The following REV1 variants were observed in gnomAD, a reference collection of about 807,000 sequenced individuals.
REV1 encodes the protein translesion synthesis protein REV1.
REV1 carries 42 observed loss-of-function variants against 137.4 expected under a neutral mutation model. That is an observed-to-expected ratio of 0.31 (90% confidence interval 0.24 to 0.40). The LOEUF is 0.40. REV1 is among the 10% of genes least tolerant of loss of function. REV1 has a pLI of 1.00. For missense variants in REV1, 1,282 were observed against 1,490.1 expected, an observed-to-expected ratio of 0.86 and a Z score of 2.30; for synonymous variants, 524 against 519.2, an observed-to-expected ratio of 1.01 and a Z score of -0.12.
rs1675856311 is a variant in REV1, at chr2:99,403,729, C to T, written c.3132G>A (p.Glu1044=). The T allele has an allele frequency of 6.2e-7, 1 of 1,614,070 alleles. No homozygotes were observed. The highest frequency in any genetic ancestry group is 8.5e-7 in the Non-Finnish European group (1 of 1,180,036). The change falls in exon 19 of 23, where the codon GAG becomes GAA. Residue 1044 remains glutamate (E), a synonymous_variant. Coordinates refer to ENST00000258428, the MANE Select transcript of REV1 (RefSeq NM_016316.4). The part of the protein sequence containing the change: ...AAYDQRQRQG[E]NSTHQQSASA... ...TGGCTGACTGCTGGTGAGTGCTGTT[C>T]TCGCCCTGCCTTTGTCTTTGATCAT...
At chr2:99,432,034 T>C (rs1680189399) in intron 8 of REV1, 1 of 424,656 alleles carries the variant, frequency 2.4e-6, no homozygotes, top group Non-Finnish European at 3.1e-6. Flanking sequence ...GTCGATGGGA[T>C]AGAAAACATC....
chr2:99,465,237 T>C (rs1684665924), intron 1 of REV1, among the ~76,000 whole-genome samples: 1 of 152,222 alleles, frequency 6.6e-6, no homozygotes, highest in Non-Finnish European at 1.5e-5. Flanking sequence ...AAAATATCTT[T>C]ATGCATTCCT....
At chr2:99,487,578 G>A (rs1351193234) in intron 1 of REV1, among the ~76,000 whole-genome samples, 2 of 117,964 alleles carry the variant, frequency 1.7e-5, no homozygotes, top group Non-Finnish European at 3.7e-5. Context: ...ACTTGCCTTT[G>A]GAAAAAAATA....
intron 13 of REV1, among the ~76,000 whole-genome samples, chr2:99,411,869 T>TAGG (rs1677203594): frequency 6.6e-6 from 1 of 152,048 alleles, no homozygotes; most frequent in Admixed American, 6.6e-5. Flanking sequence ...GTCCACAGTG[T>TAGG]AGGCACAGAG....
chr2:99,490,087 G>GGCCCCGCCCACGCCCCCTCCGCT (rs1687560313), upstream of REV1: 1 of 142,960 alleles, frequency 7.0e-6, no homozygotes, highest in Non-Finnish European at 1.5e-5. Context: ...CGCGCTCCCC[G>GGCCCCGCCCACGCCCCCTCCGCT]GCCCCGCTCG....
At chr2:99,476,410 G>A (rs1161377002) in intron 1 of REV1, among the ~76,000 whole-genome samples, 1 of 152,110 alleles carries the variant, frequency 6.6e-6, no homozygotes, top group Admixed American at 6.5e-5. Flanking sequence ...ACAAAAATTA[G>A]CCGGGCATGG....
At chr2:99,433,684 T>G (rs533985510) in intron 8 of REV1, among the ~76,000 whole-genome samples, 2 of 152,194 alleles carry the variant, frequency 1.3e-5, no homozygotes, top group African/African-American at 4.8e-5. Context: ...CTCTTTGGCT[T>G]TGCAAAACAA....
chr2:99,410,383 G>T (rs928372385), intron 14 of REV1, among the ~76,000 whole-genome samples: 2 of 152,146 alleles, frequency 1.3e-5, no homozygotes, highest in African/African-American at 4.8e-5. Context: ...CGAAACTATA[G>T]CAGTCCCTTT....
Position 99,402,959 on chromosome 2 carries a change from G to A in REV1, c.3314C>T (p.Ala1105Val). ...AATTAACTTCTGGGGACTGCCACAG[G>A]CCCCTGGCAGAGTTTTTGCAGGACT... The part of the protein sequence containing the change: ...LNSPAKTLPG[A>V]CGSPQKLIDG... The change falls in exon 20 of 23, where the codon GCC (alanine) becomes GTC (valine). Residue 1105 changes from alanine to valine, a missense_variant. Ala to Val is a moderately conservative substitution (Grantham distance 64, BLOSUM62 0). This residue lies in a region of REV1 where 170 missense variants were observed against 156.8 expected (regional missense o/e 1.08). Transcript: ENST00000258428. 3.1e-6 allele frequency: 5 copies of A among 1,614,132 alleles called. No individual in the cohort carries two copies. In the South Asian group the frequency reaches 3.3e-5, roughly 11 times the overall value.
At chr2:99,480,850 A>C (rs764535843) in intron 1 of REV1, among the ~76,000 whole-genome samples, 8 of 152,230 alleles carry the variant, frequency 5.3e-5, no homozygotes, top group Non-Finnish European at 1.2e-4. Flanking sequence ...ATTTAAAATT[A>C]TATACTTTTA....
At chr2:99,454,848 A>C (rs948126430) in intron 3 of REV1, among the ~76,000 whole-genome samples, 3 of 152,252 alleles carry the variant, frequency 2.0e-5, no homozygotes, top group Non-Finnish European at 4.4e-5. Context: ...ACATAGTGAC[A>C]GACAATTGAA....
intron 1 of REV1, among the ~76,000 whole-genome samples, chr2:99,475,135 C>T (rs1162460998): frequency 6.6e-6 from 1 of 152,188 alleles, no homozygotes; most frequent in Non-Finnish European, 1.5e-5. Context: ...AAGGTACACT[C>T]GCCAGCAGTT....
At chr2:99,468,883 C>T (rs185425989) in intron 1 of REV1, among the ~76,000 whole-genome samples, 6 of 152,112 alleles carry the variant, frequency 3.9e-5, no homozygotes, top group South Asian at 2.1e-4. Flanking sequence ...AGACTACACA[C>T]GTGGAAACCC....
chr2:99,434,794 A>G lies in REV1; in HGVS notation c.1322-346T>C, dbSNP rs140884423. ...ATTCAGACTTAAGTAGTGGGGAAAG[A>G]AAAACTAAATTTTTTTTTGTATTTC... On this transcript the variant is annotated intron_variant, in intron 7 of 22. Transcript: ENST00000258428. Among the ~76,000 whole-genome samples, 344 of 152,238 alleles carry G rather than the reference A, an allele frequency of 2.3e-3. 4 individuals carry two copies. Among genetic ancestry groups the G allele is most frequent in the East Asian group, 0.02 (106 of 5,178 alleles).
In REV1 at chr2:99,403,781, T is replaced by A; in HGVS notation, c.3080A>T (p.Glu1027Val). 2 of 1,614,200 alleles carry A rather than the reference T, an allele frequency of 1.2e-6. No individual in the cohort carries two copies. Among genetic ancestry groups the A allele is most frequent in the Non-Finnish European group, 1.7e-6 (2 of 1,180,034 alleles). The change falls in exon 19 of 23, where the codon GAA becomes GTA. Residue 1027 changes from glutamate to valine, a missense_variant. Physicochemically the swap from Glu to Val is moderately radical, Grantham distance 121 (BLOSUM62 -2). Around this residue, in one of 7 missense-constraint regions of REV1, gnomAD observed 23 missense variants for 46.3 expected, o/e 0.50. Coordinates refer to ENST00000258428, the MANE Select transcript of REV1 (RefSeq NM_016316.4). Reference sequence around the variant, plus strand: ...CGCTGCTTTCAGCTCCCTCTGAAGTTCAGCAGGAAGGGCAGCAAATACCTC... The same window carrying A: ...CGCTGCTTTCAGCTCCCTCTGAAGTACAGCAGGAAGGGCAGCAAATACCTC... ...DPEVFAALPAELQRELKAAYD... is the reference protein window; with the variant it reads ...DPEVFAALPAVLQRELKAAYD...
chr2:99,420,276 GGA>G (rs959206487), intron 11 of REV1, among the ~76,000 whole-genome samples: 3 of 152,156 alleles, frequency 2.0e-5, no homozygotes, highest in Non-Finnish European at 2.9e-5. Context: ...TGCTGGCTGG[GGA>G]GAGACTGCCC....
intron 4 of REV1, among the ~76,000 whole-genome samples, chr2:99,445,665 T>G (rs902042895): frequency 2.0e-5 from 3 of 152,200 alleles, no homozygotes; most frequent in Non-Finnish European, 2.9e-5. Flanking sequence ...TGACAAAAAT[T>G]TTTTAAACCA....
intron 1 of REV1, among the ~76,000 whole-genome samples, chr2:99,466,051 C>T (rs1404087162): frequency 6.6e-6 from 1 of 152,014 alleles, no homozygotes; most frequent in Admixed American, 6.6e-5. Context: ...ACACCATTCT[C>T]CTGCCTCAGA....
At position 99,421,401 on chromosome 2, in the gene REV1, T is replaced by C; in HGVS notation, c.1831+98A>G. On this transcript the variant is annotated intron_variant, in intron 11 of 22. Transcript: ENST00000258428. ...GCAATGCTAAAAACGGTTTTACAAG[T>C]GAGAGGAAGCTAATAAAAAGAAAAA... 4 of 1,179,658 alleles carry C rather than the reference T, an allele frequency of 3.4e-6. No homozygotes were observed. In the South Asian group the frequency reaches 6.4e-5, roughly 19 times the overall value. The allele number at this position is 1,179,658 out of a possible 1,614,324, so 73.1% of individuals were successfully genotyped here. A position where few individuals can be genotyped will look rare whatever the true frequency, so the allele number is the denominator to read the frequency against.
Sources: gnomAD v4.1 joint callset for allele counts (sites outside exome capture counted in the v4.1 genomes callset) on GRCh38, gnomAD v4.1.1 for gene constraint, gnomAD v4.1.1 regional missense constraint, MANE v1.5 for transcripts, NCBI Gene and HGNC (gene_info 2026-07-23, HGNC 2026-07-21) for gene names.